ARL15: variants seen among roughly 807,000 people sequenced by gnomAD.
ARL15 encodes ADP-ribosylation factor-like protein 15.
In ARL15, 19 loss-of-function variants were observed where a neutral mutation model predicts 25.2. The ratio of observed to expected loss-of-function variants is 0.75; its 90% CI spans 0.53 to 1.10. The LOEUF is 1.10. Ranked by LOEUF, ARL15 falls within the 50% of genes least tolerant of loss-of-function variation. The pLI is 0.00. For missense variants in ARL15, 220 were observed against 246.0 expected, an observed-to-expected ratio of 0.89 and a Z score of 0.71; for synonymous variants, 94 against 86.8, an observed-to-expected ratio of 1.08 and a Z score of -0.46.
At chr5:53,975,869 C>T (rs1413964864) in intron 4 of ARL15, among the ~76,000 whole-genome samples, 4 of 152,060 alleles carry the variant, frequency 2.6e-5, no homozygotes, top group African/African-American at 9.7e-5. Flanking sequence ...GCTCTGCCTA[C>T]GTCATCTGGG....
chr5:53,919,324 A>C (rs1023301277), intron 4 of ARL15, among the ~76,000 whole-genome samples: 8 of 152,348 alleles, frequency 5.3e-5, no homozygotes, highest in African/African-American at 1.9e-4. Flanking sequence ...CATTGAAATG[A>C]ATGCAGAATG....
At chr5:54,071,556 T>C (rs1266708434) in intron 4 of ARL15, among the ~76,000 whole-genome samples, 2 of 128,134 alleles carry the variant, frequency 1.6e-5, no homozygotes, top group Non-Finnish European at 3.2e-5. Context: ...TGCATTCAAG[T>C]AGGAAACCTG....
intron 3 of ARL15, among the ~76,000 whole-genome samples, chr5:54,129,285 G>C (rs1258866493): frequency 1.3e-5 from 2 of 152,014 alleles, no homozygotes; most frequent in Non-Finnish European, 2.9e-5. Flanking sequence ...ATAACCTAAA[G>C]CTCCCATGCT....
At chr5:53,980,202 A>G (rs1166031646) in intron 4 of ARL15, among the ~76,000 whole-genome samples, 1 of 152,166 alleles carries the variant, frequency 6.6e-6, no homozygotes, top group Non-Finnish European at 1.5e-5. Flanking sequence ...CATTATCTCT[A>G]TCTTCCATTT....
At chr5:53,954,033 G>A (rs989794789) in intron 4 of ARL15, among the ~76,000 whole-genome samples, 24 of 149,250 alleles carry the variant, frequency 1.6e-4, no homozygotes, top group African/African-American at 5.9e-4. Context: ...CAGATCTTTA[G>A]TTGAATATGT....
intron 4 of ARL15, among the ~76,000 whole-genome samples, chr5:54,010,601 C>CTGT (rs1749203908): frequency 6.6e-6 from 1 of 152,144 alleles, no homozygotes; most frequent in Non-Finnish European, 1.5e-5. Flanking sequence ...CAATACAAAG[C>CTGT]CCAAGACTGT....
intron 4 of ARL15, among the ~76,000 whole-genome samples, chr5:54,099,567 T>C (rs1358078255): frequency 2.0e-5 from 3 of 152,156 alleles, no homozygotes; most frequent in Admixed American, 1.3e-4. Flanking sequence ...AATATAAATA[T>C]ATTCCTTTGT....
At chr5:54,110,585 C>T (rs1752711277) in intron 4 of ARL15, among the ~76,000 whole-genome samples, 1 of 151,854 alleles carries the variant, frequency 6.6e-6, no homozygotes, top group Non-Finnish European at 1.5e-5. Flanking sequence ...ATTAAAATAC[C>T]ATCTTTTTAG....
At chr5:54,265,949 A>G (rs1757613054) in intron 1 of ARL15, among the ~76,000 whole-genome samples, 1 of 152,216 alleles carries the variant, frequency 6.6e-6, no homozygotes, top group Non-Finnish European at 1.5e-5. Flanking sequence ...ATTCGTATTT[A>G]CAGATGAGAA....
intron 1 of ARL15, among the ~76,000 whole-genome samples, chr5:54,220,570 T>A (rs1437792055): frequency 6.6e-6 from 1 of 152,218 alleles, no homozygotes; most frequent in Non-Finnish European, 1.5e-5. Flanking sequence ...CTTGATTTTT[T>A]AAATATGATA....
chr5:53,887,354 CTTTT>C (rs376214926), intron 4 of ARL15: 1 of 693,516 alleles, frequency 1.4e-6, no homozygotes, highest in African/African-American at 1.8e-5. Flanking sequence ...AATCTTCTAC[CTTTT>C]TTTTTCTTTT....
intron 1 of ARL15, among the ~76,000 whole-genome samples, chr5:54,201,745 C>T (rs768691653): frequency 6.6e-6 from 1 of 152,158 alleles, no homozygotes; most frequent in South Asian, 2.1e-4. Flanking sequence ...GGTCCCTATA[C>T]CTATGGTGAT....
chr5:54,022,515 G>A (rs551595255), intron 4 of ARL15, among the ~76,000 whole-genome samples: 2 of 152,244 alleles, frequency 1.3e-5, no homozygotes, highest in East Asian at 3.9e-4. Context: ...CAGGAAAGGA[G>A]ACTAAAGGTC....
At chr5:53,976,137 G>C (rs1747913689) in intron 4 of ARL15, among the ~76,000 whole-genome samples, 2 of 152,228 alleles carry the variant, frequency 1.3e-5, no homozygotes, top group South Asian at 2.1e-4. Context: ...TATGCAGGCA[G>C]CAAAAACACA....
intron 4 of ARL15, among the ~76,000 whole-genome samples, chr5:53,933,252 C>T (rs550021020): frequency 6.6e-6 from 1 of 152,106 alleles, no homozygotes; most frequent in Admixed American, 6.5e-5. Flanking sequence ...TTAATCAAAT[C>T]TAGAAGGAAA....
rs1395888462 is a variant in ARL15 at position 53,886,524 on chromosome 5, T to G, written c.*37A>C. The G allele has an allele frequency of 6.5e-7, 1 of 1,544,628 alleles. No individual in the cohort carries two copies. Among genetic ancestry groups the G allele is most frequent in the Admixed American group, 2.1e-5 (1 of 47,580 alleles). On this transcript the variant is annotated 3_prime_UTR_variant, in exon 5 of 5. Transcript: ENST00000504924. Reference sequence around the variant, plus strand: ...AAAATGAGAAACTAACATGATAGGTTCAAGGCCTTTTGGGAGCCTGTTTTC... The same window carrying G: ...AAAATGAGAAACTAACATGATAGGTGCAAGGCCTTTTGGGAGCCTGTTTTC...
intron 1 of ARL15, among the ~76,000 whole-genome samples, chr5:54,217,474 T>C (rs2112522677): frequency 1.3e-5 from 2 of 151,890 alleles, no homozygotes; most frequent in South Asian, 2.1e-4. Context: ...AAAAAACTAA[T>C]ATAAGAAGGT....
At chr5:54,110,710 C>T (rs766138310) in intron 4 of ARL15, among the ~76,000 whole-genome samples, 6 of 152,118 alleles carry the variant, frequency 3.9e-5, no homozygotes, top group Non-Finnish European at 5.9e-5. Context: ...AATAAAAAGA[C>T]GACCGTTATC....
intron 1 of ARL15, among the ~76,000 whole-genome samples, chr5:54,207,029 A>C (rs1460627970): frequency 1.3e-5 from 2 of 152,386 alleles, no homozygotes; most frequent in African/African-American, 4.8e-5. Flanking sequence ...CCCATGCGTG[A>C]GATGCTGTCA....
Sources: allele counts gnomAD v4.1 joint callset (sites outside exome capture counted in the v4.1 genomes callset), GRCh38; gene constraint gnomAD v4.1.1; transcripts MANE v1.5; gene names NCBI Gene and HGNC (gene_info 2026-07-23, HGNC 2026-07-21).